The following ZNF83 variants were observed in gnomAD, a reference collection of about 807,000 sequenced individuals.
The protein encoded by ZNF83 is zinc finger protein 816B.
For synonymous variants in ZNF83, 209 were observed against 213.0 expected (o/e 0.98, Z 0.17); for missense variants, 552 against 629.9 (o/e 0.88, Z 1.32).
chr19:52,613,185 A>G (rs1328735069), exon 3 of ZNF83: 1 of 1,614,106 alleles, frequency 6.2e-7, no homozygotes, highest in South Asian at 1.1e-5. Flanking sequence ...TGCCACATTC[A>G]TTACATTTGA....
intron 1 of ZNF83, among the ~76,000 whole-genome samples, chr19:52,662,097 T>A (rs541448458): frequency 2.0e-5 from 3 of 152,326 alleles, no homozygotes; most frequent in Admixed American, 1.3e-4. Flanking sequence ...AATATTTTTC[T>A]CCCACACTTC....
At chr19:52,657,166 G>C (rs73586142) in intron 2 of ZNF83, among the ~76,000 whole-genome samples, 2,372 of 151,884 alleles carry the variant, frequency 0.016, 51 homozygotes, top group African/African-American at 0.05. Context: ...ACAACTTCAA[G>C]AAATCATAAA....
intron 1 of ZNF83, chr19:52,637,104 C>CT (rs1384564151): frequency 2.0e-5 from 3 of 151,960 alleles, no homozygotes; most frequent in Non-Finnish European, 1.5e-5. Flanking sequence ...TGTTTATCCC[C>CT]TTCTTCCCTC....
intron 3 of ZNF83, among the ~76,000 whole-genome samples, chr19:52,646,442 G>A (rs414953): frequency 3.3e-5 from 5 of 152,068 alleles, no homozygotes; most frequent in South Asian, 2.1e-4. Context: ...CTAGCTACTC[G>A]GGAGGCCAAG....
At chr19:52,670,221 C>T (rs1012284757) in intron 1 of ZNF83, among the ~76,000 whole-genome samples, 3 of 152,026 alleles carry the variant, frequency 2.0e-5, no homozygotes, top group Non-Finnish European at 4.4e-5. Context: ...TGACTCACTC[C>T]GATTACCTGC....
chr19:52,680,011 C>T (rs1239880028), intron 1 of ZNF83, among the ~76,000 whole-genome samples: 2 of 152,022 alleles, frequency 1.3e-5, no homozygotes, highest in Non-Finnish European at 2.9e-5. Flanking sequence ...GAAGTCCTGT[C>T]GCTACTAAAA....
At position 52,655,684 on chromosome 19, in the gene ZNF83, A is replaced by G. The variant is rs188900611; in HGVS notation, c.-197T>C. 633 of 1,114,668 alleles carry G rather than the reference A, an allele frequency of 5.7e-4. 8 individuals are homozygous for G. In the African/African-American group the frequency reaches 7.9e-3, roughly 14 times the overall value. 69.0% of individuals were successfully genotyped at this position (1,114,668 alleles called of 1,614,324 possible). ...ATAGCCACATCCCTGAAAGTCAAGC[A>G]TCCCTAAAATTAAACACACATTTCA... On this transcript the variant is annotated 5_prime_UTR_variant, in exon 3 of 6. Coordinates refer to the ZNF83 transcript ENST00000594682.
Position 52,687,829 on chromosome 19 carries a change from TATTA to T in ZNF83, c.-283+2610_-283+2613del, listed in dbSNP as rs2062073036. Reference sequence around the variant, plus strand: ...GATACAGCCAGACCCTGTCTCAAAATATTAATTAATTAAATTAAAAGTATTGTGT... The same window carrying T: ...GATACAGCCAGACCCTGTCTCAAAATATTAATTAAATTAAAAGTATTGTGT... On this transcript the variant is annotated intron_variant, in intron 1 of 5. Coordinates refer to the ZNF83 transcript ENST00000594682. Among the ~76,000 whole-genome samples, 4 of 149,288 alleles carry T rather than the reference TATTA, an allele frequency of 2.7e-5. No homozygotes were observed. The South Asian group carries it at 6.3e-4, about 24-fold the overall frequency.
chr19:52,636,445 A>C (rs980805143), intron 1 of ZNF83: 1 of 152,228 alleles, frequency 6.6e-6, no homozygotes. Flanking sequence ...AAGTCACTCC[A>C]CTGTAGCTGA....
At chr19:52,631,937 C>T (rs558510897) in intron 2 of ZNF83, among the ~76,000 whole-genome samples, 8 of 36,388 alleles carry the variant, frequency 2.2e-4, no homozygotes, top group African/African-American at 7.7e-4. Flanking sequence ...TTATTCAGGC[C>T]CCCCTCCCTT....
At chr19:52,620,678 C>T (rs1422992066) in intron 2 of ZNF83, among the ~76,000 whole-genome samples, 2 of 152,224 alleles carry the variant, frequency 1.3e-5, no homozygotes, top group East Asian at 1.9e-4. Flanking sequence ...ACAACAGACA[C>T]TAGGCGTCAG....
rs1181622841 is a variant in ZNF83, at chr19:52,652,601, A to G, written c.-74+2960T>C. ...TGAGTTCACTGATGAACTGCAAGCT[A>G]TGAACAATGTCTGAAATATCTGCCA... is the stretch of plus-strand genomic sequence containing the variant. On this transcript the variant is annotated intron_variant, in intron 3 of 5. Coordinates refer to the ZNF83 transcript ENST00000594682. The G allele has an allele frequency of 1.6e-5, 7 of 440,120 alleles. No individual in the cohort carries two copies. In the East Asian group the frequency reaches 3.9e-4, roughly 25 times the overall value. 27.3% of individuals were successfully genotyped at this position (440,120 alleles called of 1,614,324 possible).
chr19:52,657,681 C>T (rs1272478615), intron 2 of ZNF83, among the ~76,000 whole-genome samples: 1 of 152,034 alleles, frequency 6.6e-6, no homozygotes, highest in African/African-American at 2.4e-5. Flanking sequence ...AACCCCGTCT[C>T]TACTAAAAAT....
At chr19:52,666,997 A>C (rs1401479201) in intron 1 of ZNF83, among the ~76,000 whole-genome samples, 1 of 152,230 alleles carries the variant, frequency 6.6e-6, no homozygotes, top group Admixed American at 6.5e-5. Flanking sequence ...TTACAGAATC[A>C]GGAAGGAGGC....
intron 3 of ZNF83, chr19:52,653,924 CT>C: frequency 9.5e-7 from 1 of 1,050,774 alleles, no homozygotes; most frequent in East Asian, 2.4e-5. Context: ...CTCATGTGTT[CT>C]TCCTGGATTT....
upstream of ZNF83, among the ~76,000 whole-genome samples, chr19:52,640,893 C>G (rs1248535894): frequency 6.6e-6 from 1 of 152,152 alleles, no homozygotes; most frequent in Non-Finnish European, 1.5e-5. Flanking sequence ...GGGCAGGAAA[C>G]ATCCCTGTGA....
exon 3 of ZNF83, chr19:52,613,484 C>G (rs2060182240): frequency 1.2e-6 from 2 of 1,613,774 alleles, no homozygotes; most frequent in Admixed American, 1.7e-5. Context: ...AGATGTTGGG[C>G]AAGGTATGAA....
chr19:52,681,393 T>C (rs1463404426), intron 1 of ZNF83, among the ~76,000 whole-genome samples: 2 of 151,534 alleles, frequency 1.3e-5, no homozygotes, highest in Non-Finnish European at 2.9e-5. Flanking sequence ...AAGTGGTGTC[T>C]AGAGAGGACA....
chr19:52,619,198 C>CA (rs1437079805), intron 2 of ZNF83: 1 of 1,595,364 alleles, frequency 6.3e-7, no homozygotes, highest in East Asian at 2.2e-5. Context: ...TTTTTCACCA[C>CA]ATGATGTCTT....
Sources: allele counts gnomAD v4.1 joint callset (sites outside exome capture counted in the v4.1 genomes callset), GRCh38; gene constraint gnomAD v4.1.1; transcripts MANE v1.5; gene names NCBI Gene and HGNC (gene_info 2026-07-23, HGNC 2026-07-21).